The following C10orf88 variants were observed in gnomAD, a reference collection of about 807,000 sequenced individuals.
C10orf88 encodes chromosome 10 open reading frame 88.
C10orf88 carries 29 observed loss-of-function variants against 34.2 expected under a neutral mutation model. That is an observed-to-expected ratio of 0.85 (90% CI 0.63 to 1.16). The LOEUF (loss-of-function observed/expected upper bound fraction) is 1.16. C10orf88 is among the 50% of genes most tolerant of loss of function. The pLI, the probability that C10orf88 is intolerant of heterozygous loss-of-function variation, is 0.00. For missense variants in C10orf88, 507 were observed against 533.2 expected (o/e 0.95, Z 0.48); for synonymous variants, 194 against 197.4 (o/e 0.98, Z 0.15).
intron 3 of C10orf88, among the ~76,000 whole-genome samples, chr10:122,950,133 T>C (rs1433646974): frequency 6.6e-6 from 1 of 152,238 alleles, no homozygotes; most frequent in Non-Finnish European, 1.5e-5. Flanking sequence ...TAAGTTTAAC[T>C]TACGACTCTG....
rs1848488517 is a variant in C10orf88, at chr10:122,932,075, C to T, written c.*352G>A. The T allele has an allele frequency of 6.0e-6, 1 of 165,320 alleles. No homozygotes were observed. The highest frequency in any genetic ancestry group is 6.3e-5 in the Admixed American group (1 of 15,974). 10.2% of individuals were successfully genotyped at this position (165,320 alleles called of 1,614,324 possible). A position where few individuals can be genotyped will look rare whatever the true frequency, so the allele number is the denominator to read the frequency against. ...AGCATTATTTTTCATACTTCTAAGA[C>T]TATAAGATCTTTGTATAAATAAAAA... On this transcript the variant is annotated 3_prime_UTR_variant, in exon 6 of 6. Coordinates refer to ENST00000481909, the MANE Select transcript of C10orf88 (RefSeq NM_024942.4).
chr10:122,945,265 C>T (rs888244407), intron 4 of C10orf88, among the ~76,000 whole-genome samples: 2 of 151,820 alleles, frequency 1.3e-5, no homozygotes, highest in African/African-American at 2.4e-5. Flanking sequence ...GTAAACCAAC[C>T]GATTGCACAC....
chr10:122,936,598 C>T (rs1302548126), intron 5 of C10orf88, among the ~76,000 whole-genome samples: 1 of 151,868 alleles, frequency 6.6e-6, no homozygotes, highest in East Asian at 1.9e-4. Context: ...GATTTAAGAA[C>T]AATCCTCTTT....
chr10:122,940,435 G>T (rs1329624258), intron 4 of C10orf88, among the ~76,000 whole-genome samples: 1 of 151,920 alleles, frequency 6.6e-6, no homozygotes, highest in African/African-American at 2.4e-5. Context: ...CTATTCAATA[G>T]GTATAAAGTT....
chr10:122,945,057 T>C (rs1391186381), intron 4 of C10orf88, among the ~76,000 whole-genome samples: 2 of 150,566 alleles, frequency 1.3e-5, no homozygotes, highest in African/African-American at 4.9e-5. Context: ...TATATGTATA[T>C]AGATATATGC....
intron 3 of C10orf88, among the ~76,000 whole-genome samples, chr10:122,950,385 C>A (rs763286048): frequency 2.0e-5 from 3 of 152,118 alleles, no homozygotes; most frequent in Non-Finnish European, 4.4e-5. Context: ...CTGAAATAAC[C>A]CTTTGCACTC....
At chr10:122,952,765 CA>C in intron 2 of C10orf88, 63 bp downstream of exon 2, 2 of 1,582,502 alleles carry the variant, frequency 1.3e-6, no homozygotes, top group Non-Finnish European at 1.7e-6. Context: ...ATAATTATTG[CA>C]AAAAGTGAGA....
chr10:122,952,223 A>G (rs1459136463), intron 2 of C10orf88, among the ~76,000 whole-genome samples, 197 bp from the exon 3 acceptor site: 3 of 152,192 alleles, frequency 2.0e-5, no homozygotes, highest in Admixed American at 6.5e-5. Context: ...TCAATGAGAA[A>G]ATTACATTAT....
At chr10:122,953,100 C>T in intron 1 of C10orf88, 68 bp from the exon 2 acceptor site, 7 of 1,301,210 alleles carry the variant, frequency 5.4e-6, no homozygotes, top group Admixed American at 2.0e-5. Context: ...TTTTTTGAGA[C>T]GGAGTCTGGC....
intron 5 of C10orf88, 91 bp from the exon 6 acceptor site, chr10:122,932,752 A>G (rs1848496444): frequency 2.3e-6 from 2 of 853,646 alleles, no homozygotes; most frequent in Admixed American, 5.0e-5. Context: ...TATTGCTGAG[A>G]TTTGTCTCCA....
chr10:122,951,427 G>A (rs1443390646), intron 3 of C10orf88, among the ~76,000 whole-genome samples: 1 of 151,702 alleles, frequency 6.6e-6, no homozygotes, highest in Non-Finnish European at 1.5e-5. Flanking sequence ...GGTTGGTCTT[G>A]AACTCCTGGG....
intron 5 of C10orf88, among the ~76,000 whole-genome samples, chr10:122,935,293 A>G (rs557780238): frequency 3.3e-5 from 5 of 152,142 alleles, no homozygotes; most frequent in African/African-American, 1.2e-4. Context: ...TATATTTTAC[A>G]TTTTAATCTA....
Position 122,932,605 on chromosome 10 carries a change from T to G in C10orf88, c.1160A>C (p.Glu387Ala), listed in dbSNP as rs1848494599. 1 of 1,613,538 alleles carries G rather than the reference T, an allele frequency of 6.2e-7. No individual in the cohort carries two copies. Among genetic ancestry groups the G allele is most frequent in the Non-Finnish European group, 8.5e-7 (1 of 1,179,858 alleles). The change falls in exon 6 of 6, where the codon GAA becomes GCA. Residue 387 changes from glutamate (E) to alanine (A), a missense_variant. Glu to Ala is a moderately radical substitution (Grantham distance 107). Coordinates refer to ENST00000481909, the MANE Select transcript of C10orf88 (RefSeq NM_024942.4). ...YLEKILSKNM[E>A]LMEKKLMDYI... ...ATCCATAAGTTTCTTTTCCATCAGT[T>G]CCATATTTTTAGAAAGAATCTTTTC...
At chr10:122,945,515 TA>T (rs1848631209) in intron 4 of C10orf88, among the ~76,000 whole-genome samples, 1 of 152,158 alleles carries the variant, frequency 6.6e-6, no homozygotes, top group Admixed American at 6.6e-5. Flanking sequence ...CCATGGGTAT[TA>T]CTGTCCCTGA....
intron 4 of C10orf88, among the ~76,000 whole-genome samples, chr10:122,945,010 A>G (rs1589696580): frequency 7.1e-6 from 1 of 141,260 alleles, no homozygotes; most frequent in African/African-American, 2.6e-5. Context: ...ATATATATAT[A>G]TGTATATAGA....
At chr10:122,944,572 C>T (rs552662168) in intron 4 of C10orf88, among the ~76,000 whole-genome samples, 13 of 151,974 alleles carry the variant, frequency 8.6e-5, no homozygotes, top group African/African-American at 2.7e-4. Context: ...GTACATAAAA[C>T]TCACTTAGAC....
At chr10:122,948,939 G>A in intron 3 of C10orf88, 84 bp from the exon 4 acceptor site, 1 of 1,178,754 alleles carries the variant, frequency 8.5e-7, no homozygotes, top group Non-Finnish European at 1.2e-6. Context: ...ACCTAAACAA[G>A]AGTGAAGTAT....
chr10:122,951,355 T>C (rs1264778761), intron 3 of C10orf88, among the ~76,000 whole-genome samples: 1 of 152,186 alleles, frequency 6.6e-6, no homozygotes, highest in African/African-American at 2.4e-5. Context: ...CCAAGGTTAA[T>C]AAATAGTCAA....
At chr10:122,947,281 A>C (rs1002719586) in intron 4 of C10orf88, among the ~76,000 whole-genome samples, 1 of 152,160 alleles carries the variant, frequency 6.6e-6, no homozygotes, top group African/African-American at 2.4e-5. Context: ...CTGGTACTAC[A>C]TTAATATTTG....
Sources: allele counts gnomAD v4.1 joint callset (sites outside exome capture counted in the v4.1 genomes callset), GRCh38; gene constraint gnomAD v4.1.1; transcripts MANE v1.5; gene names NCBI Gene and HGNC (gene_info 2026-07-23, HGNC 2026-07-21).